SENP6: variants seen among roughly 807,000 people sequenced by gnomAD.
SENP6 encodes sentrin-specific protease 6.
A neutral mutation model predicts 134.5 loss-of-function variants in SENP6; 41 were observed. The ratio of observed to expected loss-of-function variants is 0.30; its 90% CI spans 0.24 to 0.40. The LOEUF (loss-of-function observed/expected upper bound fraction) is 0.40. Ranked by LOEUF, SENP6 falls within the 10% of genes least tolerant of loss-of-function variation. The pLI, the probability that SENP6 is intolerant of heterozygous loss-of-function variation, is 1.00. For missense variants in SENP6, 1,248 were observed against 1,312.5 expected, an observed-to-expected ratio of 0.95 and a Z score of 0.76; for synonymous variants, 395 against 429.8, an observed-to-expected ratio of 0.92 and a Z score of 1.00.
intron 1 of SENP6, among the ~76,000 whole-genome samples, chr6:75,605,750 C>T (rs531138113): frequency 1.3e-5 from 2 of 151,790 alleles, no homozygotes; most frequent in African/African-American, 2.4e-5. Context: ...AAGCCATTGA[C>T]GAGTTTGGCG....
chr6:75,655,834 C>T (rs112837534), intron 7 of SENP6, among the ~76,000 whole-genome samples: 1 of 151,918 alleles, frequency 6.6e-6, no homozygotes, highest in Non-Finnish European at 1.5e-5. Context: ...CTATTTATAT[C>T]GAACCTGTAT....
chr6:75,626,585 A>G (rs2149833126), intron 3 of SENP6, among the ~76,000 whole-genome samples: 1 of 152,274 alleles, frequency 6.6e-6, no homozygotes, highest in Non-Finnish European at 1.5e-5. Flanking sequence ...ATTACGTATA[A>G]GACTTCACTA....
Position 75,607,622 on chromosome 6 carries a change from C to T in SENP6, c.52+5046C>T, listed in dbSNP as rs189753795. 2.1e-4 allele frequency among the ~76,000 whole-genome samples: 32 copies of T among 152,030 alleles called. 2 individuals carry two copies. Among genetic ancestry groups the T allele is most frequent in the Admixed American group, 1.1e-3 (17 of 15,270 alleles). Reference sequence around the variant, plus strand: ...TCCTGAAGTAACTTTTTTCTGCCTTCCTTTCTAATATACATATACTACTAC... The same window carrying T: ...TCCTGAAGTAACTTTTTTCTGCCTTTCTTTCTAATATACATATACTACTAC... On this transcript the variant is annotated intron_variant, in intron 1 of 23. Transcript: ENST00000447266.
At chr6:75,670,763 A>G in intron 11 of SENP6, 43 bp downstream of exon 11, 2 of 1,212,134 alleles carry the variant, frequency 1.6e-6, no homozygotes, top group Non-Finnish European at 2.2e-6. Context: ...TTATAACATT[A>G]AAAATTCCGT....
chr6:75,691,024 T>A (rs951600982), intron 16 of SENP6, among the ~76,000 whole-genome samples: 6 of 150,764 alleles, frequency 4.0e-5, no homozygotes, highest in Non-Finnish European at 8.9e-5. Context: ...TTTTTTTTTT[T>A]AATAGAGGCA....
Position 75,683,067 on chromosome 6 carries a change from G to A in SENP6, c.2075+4140G>A, listed in dbSNP as rs147887866. 6.4e-3 allele frequency among the ~76,000 whole-genome samples: 977 copies of A among 152,278 alleles called. 8 individuals carry two copies. The highest frequency in any genetic ancestry group is 0.055 in the South Asian group (264 of 4,814). ...TTTCTCCACATCCTCTCCAGCATCT[G>A]TTGTTTCCTGACTTTTTAAAGATTG... On this transcript the variant is annotated intron_variant, in intron 16 of 23. Coordinates refer to ENST00000447266, the MANE Select transcript of SENP6 (RefSeq NM_015571.4).
At chr6:75,663,176 G>A (rs1562020512) in intron 8 of SENP6, 45 bp from the exon 9 acceptor site, 1 of 1,553,140 alleles carries the variant, frequency 6.4e-7, no homozygotes, top group Non-Finnish European at 8.8e-7. Flanking sequence ...AAAGGAAAAA[G>A]AAAATCAGAC....
intron 7 of SENP6, among the ~76,000 whole-genome samples, chr6:75,653,820 G>GA (rs1771103089): frequency 6.6e-6 from 1 of 152,210 alleles, no homozygotes. Flanking sequence ...CTACAAACTT[G>GA]TAAACATACT....
intron 6 of SENP6, among the ~76,000 whole-genome samples, chr6:75,645,517 T>C (rs571885823): frequency 2.0e-5 from 3 of 152,166 alleles, no homozygotes; most frequent in Admixed American, 2.0e-4. Context: ...CTCAGGAGGC[T>C]GAGGCATGGG....
At chr6:75,705,660 C>T (rs1436283212) in intron 19 of SENP6, among the ~76,000 whole-genome samples, 6 of 152,062 alleles carry the variant, frequency 3.9e-5, no homozygotes, top group African/African-American at 1.4e-4. Context: ...AAATAATCCT[C>T]TCCATAAAAA....
intron 21 of SENP6, among the ~76,000 whole-genome samples, chr6:75,711,829 T>C (rs1285553073): frequency 6.6e-6 from 1 of 152,198 alleles, no homozygotes; most frequent in Non-Finnish European, 1.5e-5. Context: ...CGTGCCACCA[T>C]GCCTGGCTAA....
intron 21 of SENP6, among the ~76,000 whole-genome samples, chr6:75,712,334 C>T (rs1775795904): frequency 6.6e-6 from 1 of 151,826 alleles, no homozygotes; most frequent in Non-Finnish European, 1.5e-5. Context: ...AAATAGAGAC[C>T]TAGGGTAGTT....
chr6:75,614,110 T>C (rs890746844), intron 1 of SENP6, among the ~76,000 whole-genome samples: 1 of 152,194 alleles, frequency 6.6e-6, no homozygotes. Flanking sequence ...TTTAAAAATA[T>C]AAGGAATGCC....
intron 1 of SENP6, among the ~76,000 whole-genome samples, chr6:75,604,257 T>C (rs1033340973): frequency 6.6e-6 from 1 of 152,246 alleles, no homozygotes; most frequent in Non-Finnish European, 1.5e-5. Flanking sequence ...TTTGAATGTA[T>C]AGGTATGATA....
At position 75,640,706 on chromosome 6, in the gene SENP6, T is replaced by C; in HGVS notation, c.479+2T>C. On this transcript the variant is annotated splice_donor_variant, in intron 6 of 23. Coordinates refer to ENST00000447266, the MANE Select transcript of SENP6 (RefSeq NM_015571.4). LOFTEE classifies it high-confidence loss of function. ...AAGCAGTCTGGACCGAAAAGAAAGG[T>C]AAGCTTAATATTGAAGAAATTAGAG... 1.3e-6 allele frequency: 2 copies of C among 1,504,974 alleles called. No individual in the cohort carries two copies. Among genetic ancestry groups the C allele is most frequent in the Non-Finnish European group, 1.8e-6 (2 of 1,115,986 alleles). The allele number at this position is 1,504,974 out of a possible 1,614,324, so 93.2% of individuals were successfully genotyped here.
intron 16 of SENP6, among the ~76,000 whole-genome samples, chr6:75,681,215 C>A (rs1773440041): frequency 6.6e-6 from 1 of 152,064 alleles, no homozygotes; most frequent in Non-Finnish European, 1.5e-5. Context: ...CAGATTTCCC[C>A]CTTTCCATCC....
intron 1 of SENP6, among the ~76,000 whole-genome samples, chr6:75,616,980 A>G (rs1015454670): frequency 2.6e-5 from 4 of 151,750 alleles, no homozygotes; most frequent in African/African-American, 7.3e-5. Context: ...CCTCCGTCCA[A>G]TCCTCCTATC....
At chr6:75,652,696 A>AAAAAAAAAAAAAAAG (rs796549538) in intron 7 of SENP6, among the ~76,000 whole-genome samples, 1 of 148,712 alleles carries the variant, frequency 6.7e-6, no homozygotes, top group South Asian at 2.1e-4. Context: ...AAAAAAAAAA[A>AAAAAAAAAAAAAAAG]AAAAAAAGAA....
At chr6:75,627,510 T>C (rs1768786156) in intron 3 of SENP6, among the ~76,000 whole-genome samples, 1 of 152,104 alleles carries the variant, frequency 6.6e-6, no homozygotes, top group Admixed American at 6.6e-5. Flanking sequence ...TTGCCTGTAA[T>C]CCCAGCACCT....
Sources: allele counts gnomAD v4.1 joint callset (sites outside exome capture counted in the v4.1 genomes callset), GRCh38; gene constraint gnomAD v4.1.1; transcripts MANE v1.5; gene names NCBI Gene and HGNC (gene_info 2026-07-23, HGNC 2026-07-21).